DGKK: variants seen among roughly 807,000 people sequenced by gnomAD.
DGKK encodes the protein 142 kDa diacylglycerol kinase.
A neutral mutation model predicts 92.2 loss-of-function variants in DGKK; 35 were observed. The observed-to-expected ratio is 0.38, with a 90% confidence interval of 0.29 to 0.50. The LOEUF (loss-of-function observed/expected upper bound fraction) is 0.50, where lower values mean the gene tolerates loss of function less well. Among genes scored for constraint, DGKK ranks in the 20% least tolerant of loss-of-function variants. The pLI, the probability that DGKK is intolerant of heterozygous loss-of-function variation, is 0.92. For missense variants in DGKK, 910 were observed against 992.2 expected, an observed-to-expected ratio of 0.92 and a Z score of 1.11; for synonymous variants, 368 against 360.6, an observed-to-expected ratio of 1.02 and a Z score of -0.23.
Position 50,370,407 on chromosome X carries a change from G to A in DGKK, c.3736+19C>T. ...TGGGGGAAGTCTTCATGACCCCTCT[G>A]CCTGTGGGGGAGACTTACCAATAAA... On this transcript the variant is annotated intron_variant, in intron 27 of 27. Coordinates refer to ENST00000611977, the MANE Select transcript of DGKK (RefSeq NM_001013742.4). 1 of 1,184,314 alleles carries A rather than the reference G, an allele frequency of 8.4e-7. No individual in the cohort carries two copies. The highest frequency in any genetic ancestry group is 1.1e-6 in the Non-Finnish European group (1 of 881,039).
Position 50,368,832 on chromosome X carries a change from G to T in DGKK, c.*108C>A. The T allele has an allele frequency of 1.6e-6, 1 of 613,666 alleles. No homozygotes were observed. The highest frequency in any genetic ancestry group is 2.5e-6 in the Non-Finnish European group (1 of 399,806). 50.6% of individuals were successfully genotyped at this position (613,666 alleles called of 1,213,427 possible). On this transcript the variant is annotated 3_prime_UTR_variant, in exon 28 of 28. Coordinates refer to ENST00000611977, the MANE Select transcript of DGKK (RefSeq NM_001013742.4). Reference sequence around the variant, plus strand: ...TGAAAAGAATTGGAGGGTCTTTCTTGGTGGTGCTCATGTTTGTTCTGAAAT... The same window carrying T: ...TGAAAAGAATTGGAGGGTCTTTCTTTGTGGTGCTCATGTTTGTTCTGAAAT...
At chrX:50,428,037 A>C (rs1362313463) in intron 1 of DGKK, among the ~76,000 whole-genome samples, 1 of 110,248 alleles carries the variant, frequency 9.1e-6, no homozygotes, top group Non-Finnish European at 1.9e-5. Flanking sequence ...CTTTAAGGGA[A>C]AAAGAGATGG....
At chrX:50,396,673 G>C (rs1304727236) in intron 8 of DGKK, among the ~76,000 whole-genome samples, 1 of 106,230 alleles carries the variant, frequency 9.4e-6, no homozygotes. Context: ...AGACTACAGG[G>C]GCAGCTCCAT....
chrX:50,446,179 G>A (rs935174419), intron 1 of DGKK, among the ~76,000 whole-genome samples: 38 of 110,617 alleles, frequency 3.4e-4, no homozygotes, highest in African/African-American at 1.2e-3. Context: ...AGGAGTTTTG[G>A]GGCCAAGACT....
intron 25 of DGKK, among the ~76,000 whole-genome samples, chrX:50,373,978 C>A (rs1924205244): frequency 8.9e-6 from 1 of 111,847 alleles, no homozygotes; most frequent in Non-Finnish European, 1.9e-5. Context: ...CTGATAGGTA[C>A]TTAATATACA....
chrX:50,442,385 ACTT>A (rs1276082654), intron 1 of DGKK, among the ~76,000 whole-genome samples: 1 of 111,296 alleles, frequency 9.0e-6, no homozygotes, highest in Non-Finnish European at 1.9e-5. Context: ...AACCTATTAA[ACTT>A]CTTGATTACA....
intron 8 of DGKK, among the ~76,000 whole-genome samples, chrX:50,395,797 C>CAA (rs35132890): frequency 0.14 from 11,013 of 81,179 alleles, 782 homozygotes; most frequent in African/African-American, 0.24. Context: ...AGAACATTGG[C>CAA]AAAAAAAAAA....
chrX:50,466,829 A>G (rs1431999444), intron 1 of DGKK, among the ~76,000 whole-genome samples: 3 of 111,917 alleles, frequency 2.7e-5, no homozygotes, highest in Non-Finnish European at 5.6e-5. Flanking sequence ...AAGAAAATGT[A>G]CAAAAATATC....
intron 1 of DGKK, among the ~76,000 whole-genome samples, chrX:50,463,050 GT>G (rs1303101851): frequency 2.0e-4 from 21 of 104,847 alleles, no homozygotes; most frequent in Middle Eastern, 4.8e-3. Flanking sequence ...TGTGTGTGTG[GT>G]TTTTTTTTCC....
chrX:50,424,182 A>C, intron 2 of DGKK, 66 bp downstream of exon 2: 1 of 1,009,784 alleles, frequency 9.9e-7, no homozygotes, highest in Non-Finnish European at 1.4e-6. Flanking sequence ...TTATTAGTCC[A>C]TCTTCCCACA....
intron 1 of DGKK, among the ~76,000 whole-genome samples, chrX:50,463,938 T>C (rs1229868662): frequency 1.8e-5 from 2 of 110,683 alleles, no homozygotes; most frequent in South Asian, 3.8e-4. Context: ...AAAAATTCTA[T>C]ATTAAGAATA....
At chrX:50,406,136 A>G (rs1458430365) in intron 4 of DGKK, among the ~76,000 whole-genome samples, 1 of 112,285 alleles carries the variant, frequency 8.9e-6, no homozygotes, top group Admixed American at 9.4e-5. Flanking sequence ...CTCTTCTAGA[A>G]TGTGCAAGGT....
intron 7 of DGKK, 108 bp from the exon 8 acceptor site, chrX:50,401,247 C>T: frequency 1.4e-6 from 1 of 735,764 alleles, no homozygotes. Flanking sequence ...AGTATTTAAT[C>T]TCCCTTTCTG....
chrX:50,394,293 G>T (rs1316343899), intron 8 of DGKK, among the ~76,000 whole-genome samples: 1 of 111,784 alleles, frequency 8.9e-6, no homozygotes, highest in Admixed American at 9.5e-5. Context: ...GTGAAAGGGA[G>T]CCTGAAGGAA....
At chrX:50,465,899 G>A (rs782511474) in intron 1 of DGKK, among the ~76,000 whole-genome samples, 10 of 110,692 alleles carry the variant, frequency 9.0e-5, no homozygotes, top group South Asian at 3.9e-4. Flanking sequence ...ATAATGCAGA[G>A]GCAAGCACTC....
chrX:50,408,539 C>G (rs868977116), intron 4 of DGKK, among the ~76,000 whole-genome samples: 1 of 110,072 alleles, frequency 9.1e-6, no homozygotes, highest in Non-Finnish European at 1.9e-5. Flanking sequence ...CCACCACGCC[C>G]GGCTAATTTT....
chrX:50,437,978 A>G (rs1926076297), intron 1 of DGKK, among the ~76,000 whole-genome samples: 2 of 110,876 alleles, frequency 1.8e-5, no homozygotes, highest in African/African-American at 6.6e-5. Context: ...TATCAGCTGC[A>G]ATCTGGGGGA....
At chrX:50,442,169 T>C (rs1265730429) in intron 1 of DGKK, among the ~76,000 whole-genome samples, 1 of 111,763 alleles carries the variant, frequency 8.9e-6, no homozygotes, top group African/African-American at 3.2e-5. Flanking sequence ...TCAAGTCTCA[T>C]AACAGGCACC....
intron 1 of DGKK, among the ~76,000 whole-genome samples, chrX:50,462,998 C>T (rs1194731490): frequency 2.1e-5 from 2 of 97,070 alleles, no homozygotes; most frequent in African/African-American, 3.7e-5. Context: ...CCCCCCCACA[C>T]GCACATTCCC....
Sources: allele counts gnomAD v4.1 joint callset (sites outside exome capture counted in the v4.1 genomes callset), GRCh38; gene constraint gnomAD v4.1.1; transcripts MANE v1.5; gene names NCBI Gene and HGNC (gene_info 2026-07-23, HGNC 2026-07-21).